AADAT: variants seen among roughly 807,000 people sequenced by gnomAD.
The protein encoded by AADAT is aminoadipate aminotransferase.
In AADAT, 25 loss-of-function variants were observed where a neutral mutation model predicts 56.2. The ratio of observed to expected loss-of-function variants is 0.44; its 90% CI spans 0.32 to 0.62. AADAT has a LOEUF of 0.62. Ranked by LOEUF, AADAT falls within the 20% of genes least tolerant of loss-of-function variation. The pLI is 0.04. For synonymous variants in AADAT, 173 were observed against 164.7 expected, an observed-to-expected ratio of 1.05 and a Z score of -0.39; for missense variants, 387 against 510.5, an observed-to-expected ratio of 0.76 and a Z score of 2.33.
intron 4 of AADAT, among the ~76,000 whole-genome samples, chr4:170,077,114 T>C (rs1323212233): frequency 6.6e-6 from 1 of 152,222 alleles, no homozygotes; most frequent in Non-Finnish European, 1.5e-5. Context: ...CTTTGCAGTT[T>C]TGAAATTGGG....
intron 3 of AADAT, among the ~76,000 whole-genome samples, chr4:170,081,072 A>T (rs186373813): frequency 6.5e-4 from 99 of 152,308 alleles, no homozygotes; most frequent in African/African-American, 2.0e-3. Flanking sequence ...GCAATTCAGA[A>T]ATTTATCAGA....
At chr4:170,077,923 TCTGA>T (rs1185786746) in intron 4 of AADAT, among the ~76,000 whole-genome samples, 1 of 152,204 alleles carries the variant, frequency 6.6e-6, no homozygotes, top group Admixed American at 6.5e-5. Flanking sequence ...CCCTATTTAC[TCTGA>T]CTATCTTTCT....
intron 3 of AADAT, 29 bp downstream of exon 3, chr4:170,087,087 T>G (rs780035064): frequency 3.7e-6 from 6 of 1,612,588 alleles, no homozygotes; most frequent in Non-Finnish European, 5.1e-6. Flanking sequence ...CAATTCTACA[T>G]TTTGGCTGAG....
At chr4:170,066,876 A>G (rs940271984) in intron 9 of AADAT, among the ~76,000 whole-genome samples, 16 of 152,172 alleles carry the variant, frequency 1.1e-4, no homozygotes, top group African/African-American at 3.9e-4. Context: ...TAAATGTCCT[A>G]GGAGGTACCA....
intron 3 of AADAT, among the ~76,000 whole-genome samples, chr4:170,080,625 G>C (rs1444634087): frequency 2.0e-5 from 3 of 152,140 alleles, no homozygotes; most frequent in Non-Finnish European, 4.4e-5. Context: ...TGTTCCAGAG[G>C]TTCCTGGGTA....
chr4:170,087,306 A>G, intron 2 of AADAT, 58 bp from the exon 3 acceptor site: 1 of 1,501,722 alleles, frequency 6.7e-7, no homozygotes, highest in African/African-American at 1.4e-5. Flanking sequence ...TAACAGTAGT[A>G]GACAGGAAAT....
intron 5 of AADAT, among the ~76,000 whole-genome samples, chr4:170,072,299 G>GTATATA (rs36017064): frequency 5.4e-5 from 8 of 148,598 alleles, no homozygotes; most frequent in African/African-American, 2.0e-4. Context: ...ATGTGTGTGT[G>GTATATA]TATATATATA....
chr4:170,078,535 GT>G lies in AADAT; in HGVS notation c.417del (p.Glu139AspfsTer33). On this transcript the variant is annotated frameshift_variant, in exon 4 of 13. Transcript: ENST00000337664. LOFTEE classifies it high-confidence loss of function. ...CTTTGAAGAGTTCCTGAATAAGCAGGTTCATCTAGGAGGACATTATCTCCAG... is the reference window on the plus strand; with the variant it reads ...CTTTGAAGAGTTCCTGAATAAGCAGGTCATCTAGGAGGACATTATCTCCAG... The part of the protein sequence containing the change: ...INPGDNVLLD[E>X]PAYSGTLQSL... The G allele has an allele frequency of 6.2e-7, 1 of 1,608,092 alleles. No individual in the cohort carries two copies. Among genetic ancestry groups the G allele is most frequent in the Non-Finnish European group, 8.5e-7 (1 of 1,176,730 alleles).
chr4:170,071,006 G>A (rs1391262922), intron 5 of AADAT, among the ~76,000 whole-genome samples: 1 of 152,160 alleles, frequency 6.6e-6, no homozygotes, highest in African/African-American at 2.4e-5. Context: ...TCTGCCTCCT[G>A]GGCTCAAGTG....
chr4:170,067,499 C>T (rs927277442), intron 8 of AADAT, 111 bp from the exon 9 acceptor site: 6 of 727,946 alleles, frequency 8.2e-6, no homozygotes, highest in Non-Finnish European at 1.4e-5. Context: ...TAAGATATAA[C>T]AAGCTGAGCC....
chr4:170,064,906 A>C (rs1731371314), intron 10 of AADAT, 81 bp from the exon 11 acceptor site: 3 of 1,176,712 alleles, frequency 2.5e-6, no homozygotes, highest in Non-Finnish European at 3.6e-6. Context: ...AAATGGCATA[A>C]GTATAGTAAG....
chr4:170,085,760 A>T (rs893095658), intron 3 of AADAT, among the ~76,000 whole-genome samples: 3 of 152,188 alleles, frequency 2.0e-5, no homozygotes, highest in Non-Finnish European at 2.9e-5. Context: ...CTAATTAAAT[A>T]CAAAAAGGGT....
Position 170,078,510 on chromosome 4 carries a change from CTTTG to C in AADAT, c.439_442del (p.Gln147ValfsTer24). 6.3e-7 allele frequency: 1 copy of C among 1,597,988 alleles called. No homozygotes were observed. The highest frequency in any genetic ancestry group is 8.6e-7 in the Non-Finnish European group (1 of 1,169,130). On this transcript the variant is annotated frameshift_variant and splice_region_variant, in exon 4 of 13. Coordinates refer to ENST00000337664, the MANE Select transcript of AADAT (RefSeq NM_016228.4). LOFTEE classifies it high-confidence loss of function. ...CCTTTAGTAAAAATGTATACTCACA[CTTTG>C]AAGAGTTCCTGAATAAGCAGGTTCA...
chr4:170,062,445 G>T (rs963384226), intron 11 of AADAT, among the ~76,000 whole-genome samples: 2 of 152,160 alleles, frequency 1.3e-5, no homozygotes, highest in African/African-American at 4.8e-5. Flanking sequence ...AGTATTTGAG[G>T]GCAAAGATAC....
chr4:170,092,182 C>T (rs1469107364), upstream of AADAT, among the ~76,000 whole-genome samples: 1 of 152,238 alleles, frequency 6.6e-6, no homozygotes, highest in Non-Finnish European at 1.5e-5. Flanking sequence ...CGCTTGGATA[C>T]TTTTGCAGCG....
chr4:170,068,287 T>G (rs1731580023), intron 8 of AADAT, among the ~76,000 whole-genome samples: 1 of 152,136 alleles, frequency 6.6e-6, no homozygotes, highest in Non-Finnish European at 1.5e-5. Context: ...CAAACAAGTG[T>G]CCTATTCTAC....
chr4:170,078,186 A>T (rs150376148), intron 4 of AADAT, among the ~76,000 whole-genome samples: 122 of 152,308 alleles, frequency 8.0e-4, no homozygotes, highest in African/African-American at 2.8e-3. Flanking sequence ...TAAAAAATAA[A>T]TTTTTGTAAT....
chr4:170,091,434 C>G (rs897591731), upstream of AADAT, among the ~76,000 whole-genome samples: 1 of 152,210 alleles, frequency 6.6e-6, no homozygotes, highest in Non-Finnish European at 1.5e-5. Flanking sequence ...GCGCTACCTT[C>G]GAATTCTCGC....
intron 6 of AADAT, among the ~76,000 whole-genome samples, chr4:170,070,170 CT>C (rs1731690113): frequency 6.6e-6 from 1 of 151,894 alleles, no homozygotes; most frequent in Admixed American, 6.6e-5. Flanking sequence ...CCTAATCCTT[CT>C]CATACATCAT....
Sources: gnomAD v4.1 joint callset for allele counts (sites outside exome capture counted in the v4.1 genomes callset) on GRCh38, gnomAD v4.1.1 for gene constraint, MANE v1.5 for transcripts, NCBI Gene and HGNC (gene_info 2026-07-23, HGNC 2026-07-21) for gene names.